The following CSMD2 variants were observed in gnomAD, a reference collection of about 807,000 sequenced individuals.
The protein encoded by CSMD2 is CUB and Sushi multiple domains 2, also known as CUB and sushi domain-containing protein 2.
A neutral mutation model predicts 398.5 loss-of-function variants in CSMD2; 130 were observed. The ratio of observed to expected loss-of-function variants is 0.33; its 90% CI spans 0.28 to 0.38. CSMD2 has a LOEUF of 0.38. CSMD2 is among the 10% of genes least tolerant of loss of function. The pLI is 1.00. For synonymous variants in CSMD2, 1,828 were observed against 1,908.5 expected (o/e 0.96, Z 1.10); for missense variants, 3,829 against 4,764.9 (o/e 0.80, Z 5.78).
At chr1:34,070,180 T>C (rs1282836891) in intron 2 of CSMD2, among the ~76,000 whole-genome samples, 3 of 152,208 alleles carry the variant, frequency 2.0e-5, no homozygotes, top group African/African-American at 7.2e-5. Context: ...TTCACCTAAC[T>C]TACACTGGAG....
chr1:34,135,319 C>G (rs975561598), intron 1 of CSMD2, among the ~76,000 whole-genome samples: 4 of 150,532 alleles, frequency 2.7e-5, no homozygotes, highest in African/African-American at 9.8e-5. Context: ...TGGGGTAGCC[C>G]AAAACTAGAA....
chr1:34,069,963 C>T (rs972177926), intron 2 of CSMD2, among the ~76,000 whole-genome samples: 1 of 152,236 alleles, frequency 6.6e-6, no homozygotes, highest in Non-Finnish European at 1.5e-5. Context: ...CACCATCAGA[C>T]TTTGAAAACT....
chr1:33,739,422 A>T (rs1208742813), intron 14 of CSMD2, 88 bp from the exon 15 acceptor site: 8 of 1,263,130 alleles, frequency 6.3e-6, no homozygotes, highest in Non-Finnish European at 7.7e-6. Context: ...GGGATGGGAA[A>T]CCCTAGAACT....
chr1:33,628,954 G>A (rs931010475), intron 32 of CSMD2, among the ~76,000 whole-genome samples: 2 of 151,742 alleles, frequency 1.3e-5, no homozygotes, highest in Non-Finnish European at 2.9e-5. Context: ...GAAAGATAAA[G>A]TTTGACCCGT....
At chr1:34,135,991 T>C (rs763407708) in intron 1 of CSMD2, among the ~76,000 whole-genome samples, 8 of 152,000 alleles carry the variant, frequency 5.3e-5, no homozygotes, top group Admixed American at 1.3e-4. Context: ...ACTTCTATAG[T>C]AATTAAAAAG....
chr1:33,759,587 A>C (rs752281922), intron 13 of CSMD2, among the ~76,000 whole-genome samples: 9 of 151,848 alleles, frequency 5.9e-5, no homozygotes, highest in Non-Finnish European at 1.2e-4. Context: ...GGCCTCCCAA[A>C]GTGCTGGGAT....
intron 12 of CSMD2, among the ~76,000 whole-genome samples, chr1:33,777,052 G>A (rs1040880940): frequency 2.0e-5 from 3 of 152,098 alleles, no homozygotes; most frequent in Non-Finnish European, 4.4e-5. Flanking sequence ...GAAAGTGTCA[G>A]AGCTGAAGAC....
intron 3 of CSMD2, among the ~76,000 whole-genome samples, chr1:33,965,513 G>C (rs1645526119): frequency 6.6e-6 from 1 of 152,154 alleles, no homozygotes; most frequent in Admixed American, 6.5e-5. Flanking sequence ...GGATGCCCTT[G>C]TGCCTCGGCT....
intron 1 of CSMD2, among the ~76,000 whole-genome samples, chr1:34,094,931 T>C (rs1478177242): frequency 4.8e-5 from 7 of 146,512 alleles, no homozygotes; most frequent in African/African-American, 1.8e-4. Context: ...TACAGAACTC[T>C]CCACCCCAAA....
rs976030268 is a variant in CSMD2, at chr1:33,741,049, C to G, written c.2174-1715G>C. Among the ~76,000 whole-genome samples the G allele has an allele frequency of 2.6e-5, 4 of 152,244 alleles. No individual in the cohort carries two copies. The East Asian group carries it at 7.7e-4, about 29-fold the overall frequency. On this transcript the variant is annotated intron_variant, in intron 14 of 70. Transcript: ENST00000373381. ...ACTGTTGAGTGCTCAGCACCAGGTT[C>G]AGCCCACAGGAGGTGCTTAATGGAT...
At chr1:33,939,570 C>A (rs955985124) in intron 3 of CSMD2, among the ~76,000 whole-genome samples, 1 of 152,166 alleles carries the variant, frequency 6.6e-6, no homozygotes, top group Admixed American at 6.5e-5. Context: ...TTTTAATGAA[C>A]CTGCTTCTGC....
rs369219823 is a variant in CSMD2, at chr1:33,999,273, T to C, written c.517+33321A>G. Among the ~76,000 whole-genome samples the C allele has an allele frequency of 3.9e-5, 6 of 152,304 alleles. No homozygotes were observed. In the South Asian group the frequency reaches 1.2e-3, roughly 32 times the overall value. On this transcript the variant is annotated intron_variant, in intron 3 of 70. Coordinates refer to ENST00000373381, the MANE Select transcript of CSMD2 (RefSeq NM_001281956.2). ...GAGAGGACGGGCAGTGGGAAGGGTCTTCCCTGAGATGAACAAAGAGGCAGG... is the reference window on the plus strand; with the variant it reads ...GAGAGGACGGGCAGTGGGAAGGGTCCTCCCTGAGATGAACAAAGAGGCAGG...
chr1:33,918,295 T>A lies in CSMD2; in HGVS notation c.719A>T (p.Asp240Val). 4 of 1,613,682 alleles carry A rather than the reference T, an allele frequency of 2.5e-6. No individual in the cohort carries two copies. The highest frequency in any genetic ancestry group is 3.4e-6 in the Non-Finnish European group (4 of 1,179,904). ...DFPLPSCRADDACGGTLRGQS... is the reference protein window; with the variant it reads ...DFPLPSCRADVACGGTLRGQS... ...GCCCCGCAGGGTCCCACCACAGGCA[T>A]CATCAGCTGTGGGCACAGAGAGAAG... The change falls in exon 5 of 71, where the codon GAT becomes GTT. Residue 240 changes from aspartate (D) to valine (V), a missense_variant. Around this residue, in one of 5 missense-constraint regions of CSMD2, gnomAD observed 2,001 missense variants for 2,567.1 expected, o/e 0.78. Coordinates refer to ENST00000373381, the MANE Select transcript of CSMD2 (RefSeq NM_001281956.2).
At chr1:33,660,852 G>A (rs1644107013) in intron 26 of CSMD2, among the ~76,000 whole-genome samples, 3 of 152,186 alleles carry the variant, frequency 2.0e-5, no homozygotes, top group Admixed American at 6.5e-5. Context: ...CGGGAGGCAT[G>A]GCATGACCCT....
chr1:33,970,757 C>A (rs1334841815), intron 3 of CSMD2, among the ~76,000 whole-genome samples: 3 of 152,226 alleles, frequency 2.0e-5, no homozygotes, highest in Non-Finnish European at 2.9e-5. Flanking sequence ...CCTCCTGCTT[C>A]CCTGAGCCTC....
At chr1:33,758,742 C>T (rs1649389227) in intron 13 of CSMD2, among the ~76,000 whole-genome samples, 1 of 152,198 alleles carries the variant, frequency 6.6e-6, no homozygotes, top group South Asian at 2.1e-4. Flanking sequence ...TGGGCTTAGT[C>T]TTGCAATTTA....
intron 55 of CSMD2, among the ~76,000 whole-genome samples, chr1:33,557,179 A>AGG (rs1658075608): frequency 6.6e-6 from 1 of 152,138 alleles, no homozygotes; most frequent in Non-Finnish European, 1.5e-5. Context: ...TCCTCTAATA[A>AGG]CCCTATGGAA....
chr1:33,594,933 G>A (rs935259558), intron 44 of CSMD2, among the ~76,000 whole-genome samples: 5 of 152,174 alleles, frequency 3.3e-5, no homozygotes, highest in East Asian at 1.9e-4. Context: ...TCCATGAACC[G>A]TTTGCAAGTA....
chr1:33,575,815 C>T (rs184300463), intron 49 of CSMD2, among the ~76,000 whole-genome samples: 2 of 152,256 alleles, frequency 1.3e-5, no homozygotes, highest in African/African-American at 4.8e-5. Flanking sequence ...ATTAATAGCA[C>T]ATTGTTTTTG....
Sources: gnomAD v4.1 joint callset for allele counts (sites outside exome capture counted in the v4.1 genomes callset) on GRCh38, gnomAD v4.1.1 for gene constraint, gnomAD v4.1.1 regional missense constraint, MANE v1.5 for transcripts, NCBI Gene and HGNC (gene_info 2026-07-23, HGNC 2026-07-21) for gene names.